STRBP: variants seen among roughly 807,000 people sequenced by gnomAD.
STRBP encodes the protein spermatid perinuclear RNA binding protein.
Under a neutral mutation model 80.1 loss-of-function variants are expected in STRBP, and 13 were observed. The ratio of observed to expected loss-of-function variants is 0.16; its 90% confidence interval spans 0.11 to 0.26. STRBP has a LOEUF of 0.26. Ranked by LOEUF, STRBP falls within the 10% of genes least tolerant of loss-of-function variation. The pLI is 1.00. For synonymous variants in STRBP, 284 were observed against 291.2 expected (o/e 0.98, Z 0.25); for missense variants, 485 against 815.2 (o/e 0.59, Z 4.93).
chr9:123,214,297 C>T (rs781538168), intron 2 of STRBP, among the ~76,000 whole-genome samples: 5 of 152,040 alleles, frequency 3.3e-5, no homozygotes, highest in Non-Finnish European at 7.4e-5. Flanking sequence ...AACCAAACAT[C>T]GTATGTTCTC....
intron 2 of STRBP, among the ~76,000 whole-genome samples, chr9:123,209,691 G>C (rs1031506705): frequency 6.6e-6 from 1 of 152,288 alleles, no homozygotes; most frequent in African/African-American, 2.4e-5. Flanking sequence ...CTAGAGAACA[G>C]AGTGCATACA....
At chr9:123,152,004 C>A (rs1254598125) in intron 11 of STRBP, among the ~76,000 whole-genome samples, 2 of 152,012 alleles carry the variant, frequency 1.3e-5, no homozygotes, top group Non-Finnish European at 2.9e-5. Context: ...ATACTACAGA[C>A]AATAAAATGA....
At chr9:123,138,534 C>T (rs953298451) in intron 14 of STRBP, among the ~76,000 whole-genome samples, 6 of 152,232 alleles carry the variant, frequency 3.9e-5, no homozygotes, top group Non-Finnish European at 7.3e-5. Context: ...CTTCCCCACA[C>T]GGCAAAGCTC....
intron 16 of STRBP, among the ~76,000 whole-genome samples, chr9:123,135,595 C>T (rs1027772952): frequency 4.6e-5 from 7 of 152,092 alleles, no homozygotes; most frequent in Non-Finnish European, 8.8e-5. Context: ...TTTATGCGGT[C>T]GGCAAAGGAA....
intron 2 of STRBP, among the ~76,000 whole-genome samples, chr9:123,199,912 G>A (rs1402568069): frequency 6.6e-6 from 1 of 152,132 alleles, no homozygotes. Flanking sequence ...ATGTTTAATA[G>A]GAGTGGTGAA....
chr9:123,139,827 C>T (rs2036514854), intron 13 of STRBP, 140 bp from the exon 14 acceptor site: 1 of 797,788 alleles, frequency 1.3e-6, no homozygotes, highest in Admixed American at 3.1e-5. Context: ...GGTACTAAAT[C>T]TGTAAGTCCT....
downstream of STRBP, among the ~76,000 whole-genome samples, chr9:123,120,636 A>G (rs952069827): frequency 4.6e-5 from 7 of 151,850 alleles, no homozygotes; most frequent in Non-Finnish European, 1.5e-5. Flanking sequence ...TAAGGGTGAA[A>G]CTTTCTCATC....
chr9:123,264,947 C>T (rs936871838), intron 1 of STRBP, among the ~76,000 whole-genome samples: 2 of 152,178 alleles, frequency 1.3e-5, no homozygotes, highest in African/African-American at 4.8e-5. Context: ...TCAAAGCTCA[C>T]TCTATTCATC....
At chr9:123,139,726 C>A in intron 13 of STRBP, 39 bp from the exon 14 acceptor site, 1 of 1,590,330 alleles carries the variant, frequency 6.3e-7, no homozygotes, top group South Asian at 1.2e-5. Flanking sequence ...TATTCAGACA[C>A]GAGAAACCAG....
intron 5 of STRBP, among the ~76,000 whole-genome samples, chr9:123,170,345 G>A (rs1412008709): frequency 6.6e-6 from 1 of 152,170 alleles, no homozygotes; most frequent in Non-Finnish European, 1.5e-5. Context: ...AATAGCATCA[G>A]TATGTGATAA....
Position 123,159,130 on chromosome 9 carries a change from T to C in STRBP, c.801A>G (p.Val267=). 4.3e-6 allele frequency: 7 copies of C among 1,613,616 alleles called. No individual in the cohort carries two copies. Among genetic ancestry groups the C allele is most frequent in the Non-Finnish European group, 5.9e-6 (7 of 1,179,600 alleles). The change falls in exon 9 of 19, where the codon GTA becomes GTG. Residue 267 remains valine, a synonymous_variant. Transcript: ENST00000348403. The stretch of plus-strand genomic sequence containing the variant: ...GTATTCCAGATGCCAAACACTCCAT[T>C]ACTCGTCTCAAGGCCTCCCCAGCGC... The part of the protein sequence containing the change: ...PLGAGEALRR[V]MECLASGILL...
At chr9:123,130,408 CAA>C (rs757273338) in intron 17 of STRBP, among the ~76,000 whole-genome samples, 14 of 152,158 alleles carry the variant, frequency 9.2e-5, no homozygotes, top group Non-Finnish European at 1.8e-4. Context: ...TGCAATGACA[CAA>C]GAGAGGAGTC....
At chr9:123,222,626 G>A (rs138295364) in intron 2 of STRBP, among the ~76,000 whole-genome samples, 13 of 152,250 alleles carry the variant, frequency 8.5e-5, no homozygotes, top group Admixed American at 4.6e-4. Flanking sequence ...GCCACTGATC[G>A]ATAACCTCAG....
At chr9:123,185,446 GACTT>G (rs2038657808) in intron 2 of STRBP, among the ~76,000 whole-genome samples, 1 of 151,956 alleles carries the variant, frequency 6.6e-6, no homozygotes, top group African/African-American at 2.4e-5. Context: ...TAATAAATGG[GACTT>G]ACTTTATTAT....
intron 17 of STRBP, among the ~76,000 whole-genome samples, chr9:123,130,617 GTGAA>G (rs1338008741): frequency 6.6e-6 from 1 of 152,156 alleles, no homozygotes; most frequent in Admixed American, 6.5e-5. Context: ...GCCTATTATT[GTGAA>G]TGAAAGCTTT....
chr9:123,113,235 G>C lies in STRBP; in HGVS notation c.*84+2694C>G, dbSNP rs1267086146. The C allele has an allele frequency of 2.4e-5, 4 of 167,308 alleles. No individual in the cohort carries two copies. The Admixed American group carries it at 2.6e-4, about 11-fold the overall frequency. The allele number at this position is 167,308 out of a possible 1,614,324, so 10.4% of individuals were successfully genotyped here. ...GCATTTGTGATCACATGACCCTCCT[G>C]AGCACAGCTGTCCAGTGGCTCCCTA... is the stretch of plus-strand genomic sequence containing the variant. On this transcript the variant is annotated intron_variant and NMD_transcript_variant, in intron 3 of 3. Coordinates refer to the STRBP transcript ENST00000471564.
chr9:123,246,367 G>A (rs1338106371), intron 1 of STRBP, among the ~76,000 whole-genome samples: 2 of 152,200 alleles, frequency 1.3e-5, no homozygotes, highest in East Asian at 3.8e-4. Flanking sequence ...ACACATCCGG[G>A]CAGCAGTGGC....
chr9:123,234,200 C>CAAAA (rs59309974), intron 2 of STRBP, among the ~76,000 whole-genome samples: 1 of 72,294 alleles, frequency 1.4e-5, no homozygotes, highest in Admixed American at 1.2e-4. Flanking sequence ...GACGCCGTGT[C>CAAAA]AAAAAAAAAA....
In STRBP at chr9:123,115,158, G is replaced by A. The variant is rs760162213; in HGVS notation, c.*84+771C>T. ...GCCACTTGACTCTGCTCATCCTCTC[G>A]GGTCCCACAGCAAGGCCCTTCACAC... On this transcript the variant is annotated intron_variant and NMD_transcript_variant, in intron 3 of 3. Transcript: ENST00000471564. The surrounding 1 kb of genome is among the most constrained non-coding windows in gnomAD (Gnocchi z 5.0). 1.9e-5 allele frequency: 9 copies of A among 465,068 alleles called. No homozygotes were observed. The highest frequency in any genetic ancestry group is 3.4e-4 in the Middle Eastern group (1 of 2,956). 28.8% of individuals were successfully genotyped at this position (465,068 alleles called of 1,614,324 possible).
Sources: allele counts gnomAD v4.1 joint callset (sites outside exome capture counted in the v4.1 genomes callset), GRCh38; gene constraint gnomAD v4.1.1; non-coding constraint Gnocchi (gnomAD v3.1); transcripts MANE v1.5; gene names NCBI Gene and HGNC (gene_info 2026-07-23, HGNC 2026-07-21).